Variants in PKD2L2 observed in about 807,000 individuals in gnomAD.
PKD2L2 encodes polycystin-2-like protein 2.
PKD2L2 carries 67 observed loss-of-function variants against 83.9 expected under a neutral mutation model. The observed-to-expected ratio is 0.80, with a 90% confidence interval of 0.66 to 0.98. The LOEUF (loss-of-function observed/expected upper bound fraction) is 0.98, where lower values mean the gene tolerates loss of function less well. PKD2L2 is among the 50% of genes least tolerant of loss of function. The pLI, the probability that PKD2L2 is intolerant of heterozygous loss-of-function variation, is 0.00. For missense variants in PKD2L2, 632 were observed against 717.2 expected, an observed-to-expected ratio of 0.88 and a Z score of 1.36; for synonymous variants, 223 against 237.8, an observed-to-expected ratio of 0.94 and a Z score of 0.57.
intron 14 of PKD2L2, chr5:137,941,908 A>G: frequency 6.6e-7 from 1 of 1,515,660 alleles, no homozygotes; most frequent in Non-Finnish European, 9.1e-7. Flanking sequence ...TGAGTTAGAG[A>G]AGAAAGATGA....
chr5:137,921,092 G>A (rs910283682), intron 8 of PKD2L2, among the ~76,000 whole-genome samples: 3 of 152,176 alleles, frequency 2.0e-5, no homozygotes, highest in African/African-American at 7.2e-5. Flanking sequence ...TGGGTGTGGT[G>A]GCTCATGCCT....
At chr5:137,919,654 A>G (rs144117432) in intron 8 of PKD2L2, among the ~76,000 whole-genome samples, 102 of 152,228 alleles carry the variant, frequency 6.7e-4, no homozygotes, top group African/African-American at 2.2e-3. Flanking sequence ...TATTTTCTCT[A>G]TCTTATGTAG....
At chr5:137,901,375 A>G (rs1169992544) in intron 5 of PKD2L2, among the ~76,000 whole-genome samples, 2 of 151,338 alleles carry the variant, frequency 1.3e-5, no homozygotes, top group Non-Finnish European at 2.9e-5. Flanking sequence ...ATCTGCCTGA[A>G]CAGGCTTTTA....
rs775856541 is a variant in PKD2L2 at position 137,906,424 on chromosome 5, T to A, written c.965T>A (p.Leu322Gln). Residue 322 changes from leucine to glutamine, a missense_variant, in exon 6 of 15, where the codon CTA becomes CAA. Physicochemically the swap from Leu to Gln is moderately radical, Grantham distance 113. Around this residue, in one of 3 missense-constraint regions of PKD2L2, gnomAD observed 399 missense variants for 416.9 expected, o/e 0.96. Transcript: ENST00000508883. The stretch of plus-strand genomic sequence containing the variant: ...AGTATTTGGAACTGGCTAGAATTGC[T>A]ACTTTTGCTGGTGAGTATATATTCA... Reference protein sequence around the residue: ...FKSIWNWLELLLLLLCFVAVS... With the variant: ...FKSIWNWLELQLLLLCFVAVS... 2.6e-5 allele frequency: 41 copies of A among 1,580,482 alleles called. No individual in the cohort carries two copies. Among genetic ancestry groups the A allele is most frequent in the Non-Finnish European group, 3.5e-5 (40 of 1,152,158 alleles).
chr5:137,891,876 G>T (rs1306432503), intron 2 of PKD2L2, among the ~76,000 whole-genome samples: 2 of 151,882 alleles, frequency 1.3e-5, no homozygotes, highest in Non-Finnish European at 2.9e-5. Context: ...GTAGAGACAG[G>T]GTTTTCACCA....
At position 137,908,764 on chromosome 5, in the gene PKD2L2, G is replaced by C; in HGVS notation, c.1147-1G>C. 1.4e-6 allele frequency: 2 copies of C among 1,479,620 alleles called. No individual in the cohort carries two copies. Among genetic ancestry groups the C allele is most frequent in the East Asian group, 2.4e-5 (1 of 42,484 alleles). The allele number at this position is 1,479,620 out of a possible 1,614,324, so 91.7% of individuals were successfully genotyped here. On this transcript the variant is annotated splice_acceptor_variant, in intron 7 of 14. Transcript: ENST00000508883. LOFTEE classifies it high-confidence loss of function. ...TTTCAATTAACTTTGTTCTTTTTCAGATATTCAAATTCATAAGCTTTAACA... is the reference window on the plus strand; with the variant it reads ...TTTCAATTAACTTTGTTCTTTTTCACATATTCAAATTCATAAGCTTTAACA...
rs146401381 is a variant in PKD2L2, at chr5:137,895,114, G to A, written c.524+505G>A. Among the ~76,000 whole-genome samples the A allele has an allele frequency of 2.2e-3, 342 of 152,216 alleles. 2 individuals are homozygous for A. The highest frequency in any genetic ancestry group is 8.0e-3 in the African/African-American group (333 of 41,520). ...TGATGATGCTTTACAAAGATGCTAT[G>A]GCCATTGTGTTTCAAAGTGACTGAG... is the stretch of plus-strand genomic sequence containing the variant. On this transcript the variant is annotated intron_variant, in intron 4 of 14. Coordinates refer to ENST00000508883, the MANE Select transcript of PKD2L2 (RefSeq NM_001300921.2).
chr5:137,936,287 G>A (rs1367958500), intron 13 of PKD2L2, 33 bp from the exon 14 acceptor site: 3 of 1,511,958 alleles, frequency 2.0e-6, no homozygotes, highest in South Asian at 2.4e-5. Flanking sequence ...GTTTATTACT[G>A]ACTCATTCTC....
intron 13 of PKD2L2, 53 bp downstream of exon 13, chr5:137,935,962 A>C: frequency 1.0e-6 from 1 of 982,392 alleles, no homozygotes. Context: ...ATGCGCATTA[A>C]GGACATGAGT....
intron 8 of PKD2L2, among the ~76,000 whole-genome samples, chr5:137,917,531 T>TA (rs1758487928): frequency 6.6e-6 from 1 of 152,210 alleles, no homozygotes. Flanking sequence ...AGTTCATTGA[T>TA]TCTTTTTTCT....
At chr5:137,939,772 T>C (rs1761107849) in intron 14 of PKD2L2, 6 of 984,456 alleles carry the variant, frequency 6.1e-6, no homozygotes, top group Middle Eastern at 4.1e-4. Context: ...TGCACTTTTA[T>C]AGGCTTTTCT....
chr5:137,897,033 ATATTATTATTATTATTATTAT>A (rs10536140), intron 4 of PKD2L2, among the ~76,000 whole-genome samples: 49 of 137,034 alleles, frequency 3.6e-4, no homozygotes, highest in Non-Finnish European at 6.1e-4. Flanking sequence ...ATACATTATT[ATATTATTATTATTATTATTAT>A]TATTATTATT....
At chr5:137,890,383 C>T in intron 1 of PKD2L2, 98 bp from the exon 2 acceptor site, 1 of 676,186 alleles carries the variant, frequency 1.5e-6, no homozygotes, top group Non-Finnish European at 2.6e-6. Flanking sequence ...GCTTTCCTCC[C>T]CGCAGTGTAA....
chr5:137,913,278 G>A (rs1758018634), intron 8 of PKD2L2, among the ~76,000 whole-genome samples: 1 of 150,570 alleles, frequency 6.6e-6, no homozygotes, highest in Non-Finnish European at 1.5e-5. Context: ...CAACCTCCCA[G>A]GTTCAAGCAA....
intron 14 of PKD2L2, among the ~76,000 whole-genome samples, chr5:137,936,918 C>T (rs1364057716): frequency 1.3e-5 from 2 of 152,168 alleles, no homozygotes; most frequent in African/African-American, 2.4e-5. Flanking sequence ...GACAAGCCTC[C>T]AGTATACACA....
In PKD2L2 at chr5:137,906,208, T is replaced by C. The variant is rs1347190065; in HGVS notation, c.749T>C (p.Leu250Ser). 5.0e-6 allele frequency: 8 copies of C among 1,586,496 alleles called. No homozygotes were observed. The highest frequency in any genetic ancestry group is 6.9e-6 in the Non-Finnish European group (8 of 1,161,450). Residue 250 changes from leucine to serine, a missense_variant and splice_region_variant, in exon 6 of 15, where the codon TTG (leucine) becomes TCG (serine). Leu to Ser is a moderately radical substitution (Grantham distance 145, BLOSUM62 -2). This residue lies in a region of PKD2L2 where 4 missense variants were observed against 18.8 expected (regional missense o/e 0.21). Transcript: ENST00000508883. ...ANVNLFCIIR[L>S]VAEFPATGGI... ...CTTTCACAAACCTGATTTTACAGATTGGTGGCAGAATTCCCTGCAACTGGA... is the reference window on the plus strand; with the variant it reads ...CTTTCACAAACCTGATTTTACAGATCGGTGGCAGAATTCCCTGCAACTGGA...
intron 12 of PKD2L2, among the ~76,000 whole-genome samples, chr5:137,929,548 A>AAC (rs1197309239): frequency 6.8e-6 from 1 of 147,814 alleles, no homozygotes; most frequent in African/African-American, 2.5e-5. Context: ...AAAAAAAAAA[A>AAC]AAAAAAAAAA....
At chr5:137,911,965 T>C (rs1414368542) in intron 8 of PKD2L2, among the ~76,000 whole-genome samples, 1 of 152,246 alleles carries the variant, frequency 6.6e-6, no homozygotes. Context: ...AATTTCATCC[T>C]TGTTGCAAAT....
At chr5:137,890,410 T>C (rs1226191426) in intron 1 of PKD2L2, 71 bp from the exon 2 acceptor site, 2 of 786,492 alleles carry the variant, frequency 2.5e-6, no homozygotes, top group Non-Finnish European at 4.3e-6. Flanking sequence ...AAAGTGGCTG[T>C]GGTTTTTCCA....
Sources: allele counts gnomAD v4.1 joint callset (sites outside exome capture counted in the v4.1 genomes callset), GRCh38; gene constraint gnomAD v4.1.1; regional missense constraint gnomAD v4.1.1; transcripts MANE v1.5; gene names NCBI Gene and HGNC (gene_info 2026-07-23, HGNC 2026-07-21).